FBXL7: variants seen among roughly 807,000 people sequenced by gnomAD.
FBXL7 encodes F-box and leucine rich repeat protein 7.
A neutral mutation model predicts 38.3 loss-of-function variants in FBXL7; 12 were observed. That is an observed-to-expected ratio of 0.31 (90% CI 0.20 to 0.51). The LOEUF is 0.51. Among genes scored for constraint, FBXL7 ranks in the 20% least tolerant of loss-of-function variants. The pLI is 0.98. For synonymous variants in FBXL7, 297 were observed against 300.9 expected, an observed-to-expected ratio of 0.99 and a Z score of 0.13; for missense variants, 567 against 676.4, an observed-to-expected ratio of 0.84 and a Z score of 1.79.
At chr5:15,652,566 A>G (rs1265038326) in intron 2 of FBXL7, among the ~76,000 whole-genome samples, 3 of 152,186 alleles carry the variant, frequency 2.0e-5, no homozygotes, top group Admixed American at 2.0e-4. Context: ...AGCCTGGCCA[A>G]GAAATTTTTC....
At chr5:15,568,362 T>G (rs1261909924) in intron 1 of FBXL7, among the ~76,000 whole-genome samples, 2 of 152,272 alleles carry the variant, frequency 1.3e-5, no homozygotes, top group Non-Finnish European at 2.9e-5. Flanking sequence ...GAGCATTTTT[T>G]CATGTGTCTT....
intron 2 of FBXL7, among the ~76,000 whole-genome samples, chr5:15,784,612 G>C (rs1212008933): frequency 6.6e-6 from 1 of 152,072 alleles, no homozygotes; most frequent in Non-Finnish European, 1.5e-5. Flanking sequence ...CACTTCATGA[G>C]ACAGGGGTTG....
chr5:15,807,479 C>T (rs182090312), intron 2 of FBXL7, among the ~76,000 whole-genome samples: 56 of 152,178 alleles, frequency 3.7e-4, no homozygotes, highest in Middle Eastern at 6.8e-3. Context: ...AAGCCATCCC[C>T]GCTGGCTGGA....
At chr5:15,730,701 A>G (rs1015880102) in intron 2 of FBXL7, among the ~76,000 whole-genome samples, 21 of 152,160 alleles carry the variant, frequency 1.4e-4, no homozygotes, top group African/African-American at 4.8e-5. Context: ...GTTTTGTTCT[A>G]TTTTGGAGAA....
intron 1 of FBXL7, among the ~76,000 whole-genome samples, chr5:15,613,328 C>T (rs760905820): frequency 6.6e-6 from 1 of 152,070 alleles, no homozygotes; most frequent in African/African-American, 2.4e-5. Context: ...GGTCAGAGGC[C>T]AGGTGGACAT....
intron 1 of FBXL7, among the ~76,000 whole-genome samples, chr5:15,562,557 A>G (rs896913471): frequency 1.3e-5 from 2 of 152,042 alleles, no homozygotes; most frequent in African/African-American, 4.8e-5. Context: ...TTTAGTTGGC[A>G]TTATATTCAT....
chr5:15,733,846 G>C lies in FBXL7; in HGVS notation c.127+117774G>C, dbSNP rs151293329. Among the ~76,000 whole-genome samples, 331 of 152,214 alleles carry C rather than the reference G, an allele frequency of 2.2e-3. 3 individuals are homozygous for C. The highest frequency in any genetic ancestry group is 7.4e-3 in the African/African-American group (306 of 41,528). ...GTTAATGGCCGGGTGCAGTGGCTCA[G>C]GCCTATAATCCCAGCACGTTGGGAG... is the stretch of plus-strand genomic sequence containing the variant. On this transcript the variant is annotated intron_variant, in intron 2 of 3. Transcript: ENST00000504595.
intron 2 of FBXL7, among the ~76,000 whole-genome samples, chr5:15,779,449 C>A (rs905407155): frequency 6.6e-6 from 1 of 151,758 alleles, no homozygotes; most frequent in Admixed American, 6.6e-5. Context: ...CACATGTACC[C>A]CAAAATATGT....
intron 2 of FBXL7, among the ~76,000 whole-genome samples, chr5:15,782,199 G>T (rs1737014208): frequency 6.6e-6 from 1 of 152,126 alleles, no homozygotes; most frequent in African/African-American, 2.4e-5. Flanking sequence ...TGGTGTGTAT[G>T]TGCCACATTT....
At chr5:15,852,150 T>G (rs1486921644) in intron 2 of FBXL7, among the ~76,000 whole-genome samples, 1 of 152,114 alleles carries the variant, frequency 6.6e-6, no homozygotes, top group Non-Finnish European at 1.5e-5. Context: ...CCTTCCAAAC[T>G]TTGGAATATC....
chr5:15,536,209 G>A (rs542921831), intron 1 of FBXL7, among the ~76,000 whole-genome samples: 48 of 152,336 alleles, frequency 3.2e-4, no homozygotes, highest in African/African-American at 9.6e-4. Context: ...GAGCCCTCAC[G>A]GAGAGCCTCT....
At chr5:15,528,744 A>G (rs1737327863) in intron 1 of FBXL7, among the ~76,000 whole-genome samples, 1 of 152,158 alleles carries the variant, frequency 6.6e-6, no homozygotes, top group Admixed American at 6.5e-5. Flanking sequence ...CAGCCAAACC[A>G]TATCACATTC....
intron 1 of FBXL7, among the ~76,000 whole-genome samples, chr5:15,597,477 C>G (rs748966897): frequency 7.3e-6 from 1 of 136,756 alleles, no homozygotes; most frequent in Non-Finnish European, 1.5e-5. Flanking sequence ...AAATATCTCT[C>G]TAGATAATAT....
intron 2 of FBXL7, among the ~76,000 whole-genome samples, chr5:15,878,302 T>C (rs773360237): frequency 6.6e-6 from 1 of 152,186 alleles, no homozygotes; most frequent in African/African-American, 2.4e-5. Flanking sequence ...GTCAATAAAC[T>C]CCTGATACTT....
chr5:15,561,873 T>C (rs1738424752), intron 1 of FBXL7, among the ~76,000 whole-genome samples: 1 of 152,126 alleles, frequency 6.6e-6, no homozygotes, highest in Non-Finnish European at 1.5e-5. Context: ...ATTTCTTGAT[T>C]TCAAATTATA....
intron 2 of FBXL7, among the ~76,000 whole-genome samples, chr5:15,669,423 GA>G (rs1449363271): frequency 6.6e-6 from 1 of 152,186 alleles, no homozygotes; most frequent in Non-Finnish European, 1.5e-5. Context: ...ATTTATCCCA[GA>G]GTTGTGCTGA....
chr5:15,529,988 T>C (rs1387594336), intron 1 of FBXL7, among the ~76,000 whole-genome samples: 1 of 152,196 alleles, frequency 6.6e-6, no homozygotes, highest in Non-Finnish European at 1.5e-5. Flanking sequence ...TATTGATATC[T>C]GTGGGAGTTC....
At chr5:15,698,158 G>GA (rs929990070) in intron 2 of FBXL7, among the ~76,000 whole-genome samples, 5 of 152,064 alleles carry the variant, frequency 3.3e-5, no homozygotes, top group East Asian at 1.9e-4. Context: ...AAATCACCAA[G>GA]AAAAAACCAA....
intron 2 of FBXL7, among the ~76,000 whole-genome samples, chr5:15,853,288 G>A (rs567081506): frequency 2.4e-4 from 36 of 152,294 alleles, no homozygotes; most frequent in African/African-American, 8.4e-4. Context: ...AGTGGGGTTT[G>A]AGATAGAGGG....
Sources: gnomAD v4.1 joint callset for allele counts (sites outside exome capture counted in the v4.1 genomes callset) on GRCh38, gnomAD v4.1.1 for gene constraint, MANE v1.5 for transcripts, NCBI Gene and HGNC (gene_info 2026-07-23, HGNC 2026-07-21) for gene names.